The following SERINC5 variants were observed in gnomAD, a reference collection of about 807,000 sequenced individuals.
SERINC5 encodes chromosome 5 open reading frame 12.
A neutral mutation model predicts 63.1 loss-of-function variants in SERINC5; 41 were observed. That is an observed-to-expected ratio of 0.65 (90% CI 0.51 to 0.84). SERINC5 has a LOEUF of 0.84. SERINC5 is among the 40% of genes least tolerant of loss of function. The pLI, the probability that SERINC5 is intolerant of heterozygous loss-of-function variation, is 0.00. For synonymous variants in SERINC5, 222 were observed against 215.2 expected (o/e 1.03, Z -0.28); for missense variants, 523 against 573.0 (o/e 0.91, Z 0.89).
intron 3 of SERINC5, 112 bp from the exon 4 acceptor site, chr5:80,177,509 G>A: frequency 1.2e-6 from 1 of 830,418 alleles, no homozygotes; most frequent in Non-Finnish European, 2.0e-6. Context: ...ATTGGCCAAT[G>A]TTCTCTCCTA....
At chr5:80,154,850 T>A (rs772418716) in intron 8 of SERINC5, among the ~76,000 whole-genome samples, 12 of 152,170 alleles carry the variant, frequency 7.9e-5, no homozygotes, top group South Asian at 2.1e-4. Flanking sequence ...AAAAGTGGAA[T>A]GGTCAGGAAA....
At position 80,198,798 on chromosome 5, in the gene SERINC5, A is replaced by G. The variant is rs78749148; in HGVS notation, c.195+4088T>C. ...CTCCCTTGTGAGGCCCTAAAGCTGG[A>G]AAAGGATTGGTTTCACCCACAGGGA... On this transcript the variant is annotated intron_variant, in intron 2 of 11. Transcript: ENST00000507668. 6.0e-3 allele frequency: 4,526 copies of G among 749,452 alleles called. 157 individuals are homozygous for G. The African/African-American group carries it at 0.079, about 13-fold the overall frequency. 46.4% of individuals were successfully genotyped at this position (749,452 alleles called of 1,614,324 possible).
chr5:80,251,149 C>T (rs184775661), intron 1 of SERINC5, among the ~76,000 whole-genome samples: 6 of 152,066 alleles, frequency 3.9e-5, no homozygotes, highest in Non-Finnish European at 8.8e-5. Flanking sequence ...CATGGTAGAA[C>T]GCACCTGTAG....
chr5:80,222,707 G>A (rs1036270417), intron 1 of SERINC5, among the ~76,000 whole-genome samples: 10 of 152,078 alleles, frequency 6.6e-5, no homozygotes, highest in Admixed American at 2.6e-4. Context: ...CAAGTGGCTG[G>A]GATTACAGGT....
intron 4 of SERINC5, among the ~76,000 whole-genome samples, chr5:80,176,297 C>A (rs1488722225): frequency 1.3e-5 from 2 of 152,172 alleles, no homozygotes; most frequent in African/African-American, 4.8e-5. Flanking sequence ...AAACTTTTAA[C>A]AGTATTTTAG....
In SERINC5 at chr5:80,139,959, A is replaced by G; in HGVS notation, c.*3704T>C. Reference sequence around the variant, plus strand: ...GTGTAAAAGCCTAGGTAGCTTAAATACAGGCTCTGGAATTTCCTTCGCAGG... The same window carrying G: ...GTGTAAAAGCCTAGGTAGCTTAAATGCAGGCTCTGGAATTTCCTTCGCAGG... On this transcript the variant is annotated 3_prime_UTR_variant, in exon 12 of 12. Transcript: ENST00000507668. 1.0e-6 allele frequency: 1 copy of G among 985,402 alleles called. No individual in the cohort carries two copies. Among genetic ancestry groups the G allele is most frequent in the South Asian group, 4.7e-5 (1 of 21,278 alleles). The allele number at this position is 985,402 out of a possible 1,614,324, so 61.0% of individuals were successfully genotyped here. A position where few individuals can be genotyped will look rare whatever the true frequency, so the allele number is the denominator to read the frequency against.
intron 9 of SERINC5, among the ~76,000 whole-genome samples, chr5:80,147,652 T>C (rs1191828163): frequency 6.6e-6 from 1 of 152,058 alleles, no homozygotes; most frequent in Non-Finnish European, 1.5e-5. Context: ...GTCCTTCAAC[T>C]TCACCCTCTG....
chr5:80,133,590 G>T (rs1202675002), intron 11 of SERINC5, among the ~76,000 whole-genome samples: 1 of 152,246 alleles, frequency 6.6e-6, no homozygotes, highest in Non-Finnish European at 1.5e-5. Context: ...AAGACTGTCT[G>T]AGTCAGTTAG....
chr5:80,151,861 A>C (rs928748740), intron 8 of SERINC5, among the ~76,000 whole-genome samples: 1 of 152,150 alleles, frequency 6.6e-6, no homozygotes, highest in Admixed American at 6.5e-5. Context: ...GTGCTCAAGA[A>C]GCTGGTCTGC....
chr5:80,153,520 G>T (rs1409772357), intron 8 of SERINC5, among the ~76,000 whole-genome samples: 2 of 151,666 alleles, frequency 1.3e-5, no homozygotes, highest in African/African-American at 4.8e-5. Flanking sequence ...CTTATTATCT[G>T]CATTCAGGCT....
intron 1 of SERINC5, among the ~76,000 whole-genome samples, chr5:80,216,526 AG>A (rs1308090720): frequency 6.6e-6 from 1 of 152,164 alleles, no homozygotes; most frequent in African/African-American, 2.4e-5. Flanking sequence ...AAAAAACAAG[AG>A]CTGTGGGAAC....
intron 1 of SERINC5, among the ~76,000 whole-genome samples, chr5:80,216,353 A>G (rs1750663261): frequency 6.6e-6 from 1 of 152,318 alleles, no homozygotes; most frequent in East Asian, 1.9e-4. Flanking sequence ...TCCCCAGTTA[A>G]GAGCCACTGA....
intron 1 of SERINC5, among the ~76,000 whole-genome samples, chr5:80,210,801 T>A (rs1406090490): frequency 6.6e-6 from 1 of 152,232 alleles, no homozygotes; most frequent in African/African-American, 2.4e-5. Flanking sequence ...TGACCTGCCC[T>A]TCTGGGTCTT....
chr5:80,181,027 C>T (rs775900242), intron 2 of SERINC5, among the ~76,000 whole-genome samples: 6 of 152,088 alleles, frequency 3.9e-5, no homozygotes, highest in South Asian at 2.1e-4. Context: ...CCGGGATGCA[C>T]GAGGCCTTCT....
intron 1 of SERINC5, among the ~76,000 whole-genome samples, chr5:80,236,266 T>C (rs941904610): frequency 3.3e-5 from 5 of 152,156 alleles, no homozygotes; most frequent in African/African-American, 9.7e-5. Flanking sequence ...TATCCCATTT[T>C]ACAGATGTAC....
chr5:80,117,420 A>G (rs1299681300), intron 11 of SERINC5, among the ~76,000 whole-genome samples: 1 of 152,058 alleles, frequency 6.6e-6, no homozygotes, highest in African/African-American at 2.4e-5. Context: ...TAAGTGCTCA[A>G]TAATAGGTGA....
chr5:80,198,215 G>C (rs1352847074), intron 2 of SERINC5, among the ~76,000 whole-genome samples: 1 of 152,096 alleles, frequency 6.6e-6, no homozygotes, highest in Non-Finnish European at 1.5e-5. Flanking sequence ...TTAATAACAA[G>C]AATGACCTGC....
intron 1 of SERINC5, among the ~76,000 whole-genome samples, chr5:80,224,557 G>A (rs1224871116): frequency 6.6e-6 from 1 of 152,174 alleles, no homozygotes; most frequent in Non-Finnish European, 1.5e-5. Context: ...AGAAATTGGG[G>A]AAGAAAAGAG....
chr5:80,210,826 G>T (rs1750398535), intron 1 of SERINC5, among the ~76,000 whole-genome samples: 1 of 152,182 alleles, frequency 6.6e-6, no homozygotes, highest in African/African-American at 2.4e-5. Context: ...GTCATCACTT[G>T]TAAGTCGAAG....
Sources: allele counts gnomAD v4.1 joint callset (sites outside exome capture counted in the v4.1 genomes callset), GRCh38; gene constraint gnomAD v4.1.1; transcripts MANE v1.5; gene names NCBI Gene and HGNC (gene_info 2026-07-23, HGNC 2026-07-21).